Variants in CYP2C18 observed in about 807,000 individuals in gnomAD.
CYP2C18 encodes cytochrome P450 family 2 subfamily C member 18, also known as cytochrome P450 2C18.
In CYP2C18, 38 loss-of-function variants were observed where a neutral mutation model predicts 41.3. That is an observed-to-expected ratio of 0.92 (90% confidence interval 0.71 to 1.21). CYP2C18 has a LOEUF of 1.21. CYP2C18 is among the 50% of genes most tolerant of loss of function. The pLI, the probability that CYP2C18 is intolerant of heterozygous loss-of-function variation, is 0.00. For missense variants in CYP2C18, 635 were observed against 591.4 expected (o/e 1.07, Z -0.77); for synonymous variants, 236 against 210.0 (o/e 1.12, Z -1.07).
chr10:94,724,668 G>C (rs1054820707), intron 7 of CYP2C18, 135 bp downstream of exon 7: 5 of 826,280 alleles, frequency 6.1e-6, no homozygotes, highest in Admixed American at 2.3e-5. Flanking sequence ...GGACTCTGCT[G>C]TTTCCATTCC....
chr10:94,700,946 G>T (rs1487261777), intron 4 of CYP2C18, among the ~76,000 whole-genome samples: 1 of 152,148 alleles, frequency 6.6e-6, no homozygotes, highest in Non-Finnish European at 1.5e-5. Context: ...TTAGAATGGT[G>T]ATCATTAAAA....
intron 2 of CYP2C18, 65 bp downstream of exon 2, chr10:94,687,997 G>A (rs1320702034): frequency 1.3e-6 from 2 of 1,596,536 alleles, no homozygotes; most frequent in Non-Finnish European, 8.6e-7. Flanking sequence ...TATAGGGATG[G>A]GGAGGATGGA....
chr10:94,731,129 C>T (rs1437445255), intron 7 of CYP2C18, among the ~76,000 whole-genome samples: 2 of 152,094 alleles, frequency 1.3e-5, no homozygotes, highest in Non-Finnish European at 2.9e-5. Flanking sequence ...GCCCATAATC[C>T]CAGCACTTTG....
At chr10:94,707,446 A>C (rs2134191467) in intron 5 of CYP2C18, among the ~76,000 whole-genome samples, 1 of 152,250 alleles carries the variant, frequency 6.6e-6, no homozygotes, top group South Asian at 2.1e-4. Flanking sequence ...TGGAAAAGGG[A>C]GGCCTTAACT....
At chr10:94,687,660 A>T (rs1846914631) in intron 1 of CYP2C18, 110 bp from the exon 2 acceptor site, 1 of 1,002,826 alleles carries the variant, frequency 1.0e-6, no homozygotes, top group Non-Finnish European at 1.5e-6. Context: ...GCTGTATTTG[A>T]CAGAATAATC....
chr10:94,713,142 T>G (rs1847469384), intron 5 of CYP2C18, among the ~76,000 whole-genome samples: 3 of 152,106 alleles, frequency 2.0e-5, no homozygotes, highest in Non-Finnish European at 1.5e-5. Context: ...GTATAGAAAT[T>G]TAATATGTTT....
intron 7 of CYP2C18, among the ~76,000 whole-genome samples, chr10:94,725,942 G>T (rs529674166): frequency 6.6e-6 from 1 of 152,184 alleles, no homozygotes; most frequent in South Asian, 2.1e-4. Context: ...GGAAGATAAT[G>T]TTCTGTATTG....
At chr10:94,716,096 A>C (rs1310392451) in intron 5 of CYP2C18, among the ~76,000 whole-genome samples, 1 of 151,868 alleles carries the variant, frequency 6.6e-6, no homozygotes, top group Non-Finnish European at 1.5e-5. Flanking sequence ...TAGTCTTGCT[A>C]GTGGTCTATC....
chr10:94,735,294 C>T lies in CYP2C18; in HGVS notation c.1323C>T (p.Ala441=). 2 of 1,613,650 alleles carry T rather than the reference C, an allele frequency of 1.2e-6. No homozygotes were observed. The highest frequency in any genetic ancestry group is 1.7e-6 in the Non-Finnish European group (2 of 1,179,712). ...GKRMCMGEGL[A]RMELFLFLTT... ...GGATGTGTATGGGAGAGGGCCTGGCCCGCATGGAGCTGTTTTTATTCCTGA... is the reference window on the plus strand; with the variant it reads ...GGATGTGTATGGGAGAGGGCCTGGCTCGCATGGAGCTGTTTTTATTCCTGA... Residue 441 remains alanine (A), a synonymous_variant, in exon 9 of 9, where the codon GCC becomes GCT. Transcript: ENST00000285979.
chr10:94,715,849 C>G (rs1419941460), intron 5 of CYP2C18, among the ~76,000 whole-genome samples: 1 of 152,064 alleles, frequency 6.6e-6, no homozygotes, highest in African/African-American at 2.4e-5. Context: ...TAATTATTGC[C>G]TGAATTTCAG....
Position 94,735,364 on chromosome 10 carries a change from A to T in CYP2C18, c.1393A>T (p.Lys465Ter), listed in dbSNP as rs138045916. 9 of 1,613,590 alleles carry T rather than the reference A, an allele frequency of 5.6e-6. No homozygotes were observed. In the African/African-American group the frequency reaches 1.2e-4, roughly 22 times the overall value. ...TAACCTGAAATCTCAGGTTGACCCA[A>T]AGGATATTGACATCACCCCCATTGC... is the stretch of plus-strand genomic sequence containing the variant. ...NFNLKSQVDP[K>*]DIDITPIANA... is the part of the protein sequence containing the mutation. Residue 465 changes from lysine to a stop codon, truncating the protein, a stop_gained, in exon 9 of 9, where the codon AAG becomes TAG. Coordinates refer to ENST00000285979, the MANE Select transcript of CYP2C18 (RefSeq NM_000772.3). LOFTEE classifies it low-confidence loss of function (END_TRUNC).
At chr10:94,718,299 C>T (rs1313227878) in intron 5 of CYP2C18, among the ~76,000 whole-genome samples, 1 of 151,802 alleles carries the variant, frequency 6.6e-6, no homozygotes, top group Non-Finnish European at 1.5e-5. Flanking sequence ...GATTTTGTAT[C>T]CTGCAACTTT....
At chr10:94,720,627 A>AAACAAG in intron 6 of CYP2C18, 90 bp downstream of exon 6, 2 of 1,291,440 alleles carry the variant, frequency 1.5e-6, no homozygotes, top group Non-Finnish European at 2.2e-6. Context: ...TCTCTTAGAG[A>AAACAAG]AGCTTCATTA....
At chr10:94,727,490 C>T (rs1218178841) in intron 7 of CYP2C18, among the ~76,000 whole-genome samples, 3 of 151,962 alleles carry the variant, frequency 2.0e-5, no homozygotes, top group African/African-American at 4.8e-5. Flanking sequence ...TGGCATGTGC[C>T]TGTAGTCCCA....
intron 3 of CYP2C18, 143 bp from the exon 4 acceptor site, chr10:94,694,774 C>T (rs1166317413): frequency 2.4e-5 from 21 of 870,626 alleles, no homozygotes; most frequent in Middle Eastern, 3.6e-4. Flanking sequence ...TATTAAATTT[C>T]AATATGCTGT....
Position 94,706,843 on chromosome 10 carries a change from T to C in CYP2C18, c.702T>C (p.Ala234=), listed in dbSNP as rs780858462. 12 of 1,608,960 alleles carry C rather than the reference T, an allele frequency of 7.5e-6. No individual in the cohort carries two copies. The highest frequency in any genetic ancestry group is 1.0e-5 in the Non-Finnish European group (12 of 1,175,884). Residue 234 remains alanine, a synonymous_variant, in exon 5 of 9, where the codon GCT becomes GCC. Coordinates refer to ENST00000285979, the MANE Select transcript of CYP2C18 (RefSeq NM_000772.3). ...DYLPGSHNKI[A]ENFAYIKSYV... ...TCCCAGGAAGTCATAATAAAATAGC[T>C]GAAAATTTTGCTTACATTAAAAGTT...
intron 6 of CYP2C18, among the ~76,000 whole-genome samples, chr10:94,723,078 T>A (rs1847674014): frequency 6.6e-6 from 1 of 152,150 alleles, no homozygotes; most frequent in Non-Finnish European, 1.5e-5. Flanking sequence ...CTGTGAAGGA[T>A]CAGGAATCAG....
intron 7 of CYP2C18, among the ~76,000 whole-genome samples, chr10:94,726,170 T>G (rs767762253): frequency 2.7e-4 from 41 of 151,464 alleles, no homozygotes; most frequent in Non-Finnish European, 5.6e-4. Context: ...CAGAATTAGA[T>G]ATCAACACAG....
intron 4 of CYP2C18, among the ~76,000 whole-genome samples, chr10:94,699,702 T>C (rs1465977316): frequency 1.3e-5 from 2 of 152,174 alleles, no homozygotes; most frequent in African/African-American, 2.4e-5. Flanking sequence ...TGTTTGCAGA[T>C]GACATGATTG....
Sources: allele counts gnomAD v4.1 joint callset (sites outside exome capture counted in the v4.1 genomes callset), GRCh38; gene constraint gnomAD v4.1.1; transcripts MANE v1.5; gene names NCBI Gene and HGNC (gene_info 2026-07-23, HGNC 2026-07-21).